SPOCD1: variants seen among roughly 807,000 people sequenced by gnomAD.
SPOCD1 encodes the protein SPOC domain-containing protein 1.
Under a neutral mutation model 92.2 loss-of-function variants are expected in SPOCD1, and 64 were observed. The observed-to-expected ratio is 0.69, with a 90% confidence interval of 0.57 to 0.86. SPOCD1 has a LOEUF of 0.86. Among genes scored for constraint, SPOCD1 ranks in the 40% least tolerant of loss-of-function variants. The pLI, the probability that SPOCD1 is intolerant of heterozygous loss-of-function variation, is 0.00. For missense variants in SPOCD1, 1,360 were observed against 1,543.1 expected (o/e 0.88, Z 1.99); for synonymous variants, 578 against 619.3 (o/e 0.93, Z 0.99).
At chr1:31,796,251 G>A (rs1648010698) in intron 10 of SPOCD1, 3 of 399,994 alleles carry the variant, frequency 7.5e-6, no homozygotes, top group South Asian at 6.4e-5. Context: ...GTCACTGCCT[G>A]GAACAGCGCA....
rs754159686 is a variant in SPOCD1 at position 31,790,712 on chromosome 1, C to T, written c.3542G>A (p.Arg1181His). 162 of 1,551,774 alleles carry T rather than the reference C, an allele frequency of 1.0e-4. 1 individual carries two copies. In the Middle Eastern group the frequency reaches 2.3e-3, roughly 22 times the overall value. Residue 1181 changes from arginine (R) to histidine (H), a missense_variant, in exon 16 of 16, where the codon CGT becomes CAT. This residue lies in a region of SPOCD1 where 614 missense variants were observed against 757.8 expected (regional missense o/e 0.81). Coordinates refer to ENST00000360482, the MANE Select transcript of SPOCD1 (RefSeq NM_144569.7). ...TGGAGCTGCAAGGGCGCTAGACAAA[C>T]GCTGCAGAGGGCGGGGGATGGAGCT... ...TKSSIPRPLQ[R>H]LSSALAAPEP...
At position 31,797,873 on chromosome 1, in the gene SPOCD1, A is replaced by G. The variant is rs558161776; in HGVS notation, c.2145+334T>C. On this transcript the variant is annotated intron_variant, in intron 9 of 15. Coordinates refer to ENST00000360482, the MANE Select transcript of SPOCD1 (RefSeq NM_144569.7). Reference sequence around the variant, plus strand: ...CTTTTCCAGGGCATCTGAAGCTGGGATCGGAAAAGAGGTACCTCAGGACTC... The same window carrying G: ...CTTTTCCAGGGCATCTGAAGCTGGGGTCGGAAAAGAGGTACCTCAGGACTC... 2.9e-3 allele frequency among the ~76,000 whole-genome samples: 449 copies of G among 152,220 alleles called. 2 individuals are homozygous for G. Among genetic ancestry groups the G allele is most frequent in the African/African-American group, 0.01 (430 of 41,508 alleles).
chr1:31,794,840 T>C (rs1647898552), intron 10 of SPOCD1: 1 of 152,112 alleles, frequency 6.6e-6, no homozygotes, highest in Non-Finnish European at 1.5e-5. Context: ...ATACACAGGG[T>C]TTGGGGGTCC....
At chr1:31,793,629 G>A (rs1250286819) in intron 12 of SPOCD1, 118 bp downstream of exon 12, 2 of 1,565,666 alleles carry the variant, frequency 1.3e-6, no homozygotes, top group African/African-American at 2.7e-5. Context: ...GGTTCCCAAG[G>A]GAGGGAAGAC....
At chr1:31,804,688 T>TAGAAA (rs58115011) in intron 2 of SPOCD1, among the ~76,000 whole-genome samples, 100,246 of 151,198 alleles carry the variant, frequency 0.66, 33,250 homozygotes, top group South Asian at 0.72. Flanking sequence ...CAATCCCAGA[T>TAGAAA]AGATAAGATG....
At chr1:31,809,645 G>A (rs1649071111) in intron 2 of SPOCD1, among the ~76,000 whole-genome samples, 1 of 152,140 alleles carries the variant, frequency 6.6e-6, no homozygotes. Flanking sequence ...TGTGATCTTG[G>A]GAAAGTTACT....
chr1:31,800,264 A>C, intron 4 of SPOCD1, 123 bp from the exon 5 acceptor site: 1 of 1,491,328 alleles, frequency 6.7e-7, no homozygotes, highest in Non-Finnish European at 8.9e-7. Flanking sequence ...GAGCTGCAGA[A>C]AGTAGTACAC....
chr1:31,807,130 G>A (rs1648873795), intron 2 of SPOCD1, among the ~76,000 whole-genome samples: 1 of 148,864 alleles, frequency 6.7e-6, no homozygotes, highest in Non-Finnish European at 1.5e-5. Context: ...GCTCACGCCT[G>A]TAATCCCAGC....
intron 15 of SPOCD1, chr1:31,791,988 T>G (rs1647626214): frequency 3.4e-6 from 2 of 593,350 alleles, no homozygotes; most frequent in South Asian, 2.0e-5. Flanking sequence ...CATAGGGTGA[T>G]GAGACTACAA....
At position 31,792,183 on chromosome 1, in the gene SPOCD1, G is replaced by A. The variant is rs781758120; in HGVS notation, c.2962+32C>T. 81 of 1,571,380 alleles carry A rather than the reference G, an allele frequency of 5.2e-5. No homozygotes were observed. The South Asian group carries it at 9.1e-4, about 18-fold the overall frequency. ...CTGGTCTGGTCACCAAGTGAGCAGA[G>A]GCAGGGTCTGGTATGGGGACTAGGC... On this transcript the variant is annotated intron_variant, in intron 15 of 15. Transcript: ENST00000360482.
In SPOCD1 at chr1:31,800,606, C is replaced by T. The variant is rs778408715; in HGVS notation, c.1437G>A (p.Gly479=). The change falls in exon 4 of 16, where the codon GGG becomes GGA. Residue 479 remains glycine, a synonymous_variant. Coordinates refer to ENST00000360482, the MANE Select transcript of SPOCD1 (RefSeq NM_144569.7). ...TGGCCCCCAGGAGCTGGATCACTGG[C>T]CCGGAACCCAGCTGCGGGGGAGATC... ...GVKLVCYLGS[G]PVIQLLGAIS... The T allele has an allele frequency of 1.6e-5, 26 of 1,605,030 alleles. No individual in the cohort carries two copies. The highest frequency in any genetic ancestry group is 2.1e-5 in the Non-Finnish European group (25 of 1,174,854).
intron 2 of SPOCD1, among the ~76,000 whole-genome samples, chr1:31,802,793 A>G (rs1333505888): frequency 6.6e-6 from 1 of 152,186 alleles, no homozygotes; most frequent in Non-Finnish European, 1.5e-5. Flanking sequence ...GTGTGCTACC[A>G]TTCGCGTTAC....
chr1:31,813,874 T>C, intron 2 of SPOCD1, 77 bp downstream of exon 2: 2 of 1,330,724 alleles, frequency 1.5e-6, no homozygotes, highest in South Asian at 4.3e-5. Flanking sequence ...CTTAGCTTTA[T>C]TAAATTCCAC....
chr1:31,807,519 CTGTA>C (rs1450252870), intron 2 of SPOCD1, among the ~76,000 whole-genome samples: 14 of 147,814 alleles, frequency 9.5e-5, no homozygotes, highest in South Asian at 4.4e-4. Context: ...AATGATAAGA[CTGTA>C]TGTTAAGTCT....
In SPOCD1 at chr1:31,798,563, A is replaced by C; in HGVS notation, c.1907T>G (p.Val636Gly). Residue 636 changes from valine to glycine, a missense_variant, in exon 8 of 16, where the codon GTG becomes GGG. Coordinates refer to ENST00000360482, the MANE Select transcript of SPOCD1 (RefSeq NM_144569.7). This position sits in a 1 kb window ranked among gnomAD's most constrained non-coding sequence, Gnocchi z 4.1. ...AATGCCAGCAGCAATGCCCTCCACC[A>C]CCTCCTCACTCAGCACTGGGTCTGG... The part of the protein sequence containing the change: ...ELPDPVLSEE[V>G]VEGIAAGIEA... 6.2e-7 allele frequency: 1 copy of C among 1,612,936 alleles called. No homozygotes were observed. The highest frequency in any genetic ancestry group is 1.1e-5 in the South Asian group (1 of 90,974).
chr1:31,796,561 C>T, intron 10 of SPOCD1, 29 bp downstream of exon 10: 1 of 1,614,226 alleles, frequency 6.2e-7, no homozygotes, highest in Non-Finnish European at 8.5e-7. Flanking sequence ...ATGGGCTCTG[C>T]CCAGCACCAG....
intron 2 of SPOCD1, among the ~76,000 whole-genome samples, chr1:31,811,458 T>TA (rs779788494): frequency 7.4e-5 from 11 of 148,468 alleles, no homozygotes; most frequent in South Asian, 4.3e-4. Flanking sequence ...ACTCCCATCT[T>TA]AAAAAAAAAG....
rs781431212 is a variant in SPOCD1 at position 31,800,111 on chromosome 1, C to T, written c.1633G>A (p.Ala545Thr). The T allele has an allele frequency of 1.2e-6, 2 of 1,604,504 alleles. No homozygotes were observed. Among genetic ancestry groups the T allele is most frequent in the African/African-American group, 1.3e-5 (1 of 74,424 alleles). Residue 545 changes from alanine (A) to threonine (T), a missense_variant, in exon 5 of 16, where the codon GCA (alanine) becomes ACA (threonine). By Grantham distance (58) the Ala-to-Thr change is moderately conservative. This residue lies in a region of SPOCD1 where 606 missense variants were observed against 601.5 expected (regional missense o/e 1.01). Transcript: ENST00000360482. ...TCAGAGAGGCCACCAGGGTCCCCTG[C>T]TGTGCCTCCTGAAGGAGAAGGCTGG... Reference protein sequence around the residue: ...VFQPSPSGGTAGDPGGLSDPF... With the variant: ...VFQPSPSGGTTGDPGGLSDPF...
intron 2 of SPOCD1, among the ~76,000 whole-genome samples, chr1:31,805,127 G>A (rs1570185773): frequency 6.6e-6 from 1 of 151,624 alleles, no homozygotes; most frequent in African/African-American, 2.4e-5. Flanking sequence ...GACTACAGGC[G>A]CCCGCCACCA....
Sources: gnomAD v4.1 joint callset for allele counts (sites outside exome capture counted in the v4.1 genomes callset) on GRCh38, gnomAD v4.1.1 for gene constraint, gnomAD v4.1.1 regional missense constraint, Gnocchi (gnomAD v3.1) non-coding constraint, MANE v1.5 for transcripts, NCBI Gene and HGNC (gene_info 2026-07-23, HGNC 2026-07-21) for gene names.